The following NTNG1 variants were observed in gnomAD, a reference collection of about 807,000 sequenced individuals.
NTNG1 encodes the protein netrin-G1.
Under a neutral mutation model 54.0 loss-of-function variants are expected in NTNG1, and 16 were observed. That is an observed-to-expected ratio of 0.30 (90% CI 0.20 to 0.45). The LOEUF (loss-of-function observed/expected upper bound fraction) is 0.45, where lower values mean the gene tolerates loss of function less well. Ranked by LOEUF, NTNG1 falls within the 20% of genes least tolerant of loss-of-function variation. The pLI, the probability that NTNG1 is intolerant of heterozygous loss-of-function variation, is 1.00. For synonymous variants in NTNG1, 255 were observed against 263.1 expected (o/e 0.97, Z 0.30); for missense variants, 530 against 678.7 (o/e 0.78, Z 2.43).
intron 7 of NTNG1, among the ~76,000 whole-genome samples, chr1:107,444,085 C>A (rs1188613191): frequency 7.0e-6 from 1 of 143,570 alleles, no homozygotes. Context: ...CAAAAAGGAT[C>A]GTTTTGTCTG....
At chr1:107,379,446 A>G (rs1206683921) in intron 3 of NTNG1, among the ~76,000 whole-genome samples, 2 of 152,194 alleles carry the variant, frequency 1.3e-5, no homozygotes, top group Non-Finnish European at 2.9e-5. Context: ...AATTGTGTCC[A>G]AACTACACAA....
chr1:107,249,385 G>A (rs540468038), intron 2 of NTNG1, among the ~76,000 whole-genome samples: 2 of 151,700 alleles, frequency 1.3e-5, no homozygotes, highest in South Asian at 2.1e-4. Context: ...TGGAGGCTGA[G>A]GCAGGAGAAT....
intron 2 of NTNG1, among the ~76,000 whole-genome samples, chr1:107,299,857 T>TACAC (rs149336257): frequency 1.3e-5 from 2 of 150,904 alleles, no homozygotes; most frequent in Admixed American, 1.3e-4. Flanking sequence ...TATACACACA[T>TACAC]ACACACACAC....
chr1:107,315,654 G>GGT (rs1667293165), intron 2 of NTNG1, among the ~76,000 whole-genome samples: 1 of 152,036 alleles, frequency 6.6e-6, no homozygotes, highest in African/African-American at 2.4e-5. Flanking sequence ...TGAGTCCCAA[G>GGT]GTGTAGTCTT....
At chr1:107,448,584 A>G (rs1558007628) in intron 7 of NTNG1, among the ~76,000 whole-genome samples, 1 of 152,130 alleles carries the variant, frequency 6.6e-6, no homozygotes, top group South Asian at 2.1e-4. Flanking sequence ...TTTGAGAAGC[A>G]GAGGACTGGA....
chr1:107,337,445 C>T (rs1445845404), intron 3 of NTNG1, among the ~76,000 whole-genome samples: 1 of 151,852 alleles, frequency 6.6e-6, no homozygotes, highest in Non-Finnish European at 1.5e-5. Flanking sequence ...ATGGTGACTG[C>T]CAGGGGCTGG....
chr1:107,344,337 C>CT (rs1479263934), intron 3 of NTNG1, among the ~76,000 whole-genome samples: 1 of 152,068 alleles, frequency 6.6e-6, no homozygotes, highest in Admixed American at 6.6e-5. Context: ...TATGATCTGA[C>CT]TTTTTTTGTT....
intron 5 of NTNG1, among the ~76,000 whole-genome samples, chr1:107,424,803 T>A (rs1442078278): frequency 6.6e-6 from 1 of 151,706 alleles, no homozygotes; most frequent in Non-Finnish European, 1.5e-5. Flanking sequence ...CTGAAGGGAG[T>A]CTCACTAATT....
At chr1:107,261,562 G>C (rs1471043379) in intron 2 of NTNG1, among the ~76,000 whole-genome samples, 1 of 152,242 alleles carries the variant, frequency 6.6e-6, no homozygotes, top group East Asian at 1.9e-4. Context: ...AGATAACTAG[G>C]GCCAGGAGCG....
chr1:107,433,213 T>TGAAC (rs1675382020), intron 6 of NTNG1, among the ~76,000 whole-genome samples: 1 of 152,206 alleles, frequency 6.6e-6, no homozygotes, highest in South Asian at 2.1e-4. Context: ...AAGTACTTGG[T>TGAAC]GAACACAAAG....
Position 107,148,536 on chromosome 1 carries a change from C to A in NTNG1, c.-58C>A. 2 of 1,536,346 alleles carry A rather than the reference C, an allele frequency of 1.3e-6. No individual in the cohort carries two copies. Among genetic ancestry groups the A allele is most frequent in the Non-Finnish European group, 1.8e-6 (2 of 1,114,366 alleles). ...ATATATATGTAAACTAGACAAAGAT[C>A]GCAGATCATAAAGCAAGCTCTGCTT... On this transcript the variant is annotated 5_prime_UTR_variant, in exon 2 of 8. Transcript: ENST00000370068.
intron 7 of NTNG1, among the ~76,000 whole-genome samples, chr1:107,461,547 T>A (rs1473995579): frequency 1.4e-5 from 2 of 141,732 alleles, no homozygotes; most frequent in East Asian, 3.9e-4. Flanking sequence ...TTTTTCTTTT[T>A]TTTTTCTTTT....
chr1:107,358,470 T>C (rs1465583243), intron 3 of NTNG1, among the ~76,000 whole-genome samples: 1 of 152,090 alleles, frequency 6.6e-6, no homozygotes, highest in Non-Finnish European at 1.5e-5. Context: ...GTCTGTCTAA[T>C]GTAAACTTTT....
chr1:107,441,410 A>T (rs973842095), intron 7 of NTNG1, among the ~76,000 whole-genome samples: 2 of 152,190 alleles, frequency 1.3e-5, no homozygotes, highest in Admixed American at 6.5e-5. Context: ...AAGAATTCAT[A>T]GTCTGCTTAT....
intron 2 of NTNG1, among the ~76,000 whole-genome samples, chr1:107,189,186 A>C (rs1336291511): frequency 6.6e-6 from 1 of 151,862 alleles, no homozygotes; most frequent in Non-Finnish European, 1.5e-5. Flanking sequence ...CTCCTTCTCT[A>C]CCAAAAATAC....
intron 2 of NTNG1, among the ~76,000 whole-genome samples, chr1:107,173,999 A>C (rs1323896484): frequency 6.6e-6 from 1 of 152,102 alleles, no homozygotes. Context: ...AGTAATGTGT[A>C]CTAGATCACA....
intron 7 of NTNG1, among the ~76,000 whole-genome samples, chr1:107,475,126 A>G (rs1166220694): frequency 1.3e-5 from 2 of 152,222 alleles, no homozygotes; most frequent in Non-Finnish European, 1.5e-5. Context: ...TCAAAGTGTG[A>G]TATGAAAGCA....
At chr1:107,324,245 G>C (rs769798130) in intron 2 of NTNG1, 37 bp from the exon 3 acceptor site, 2 of 1,592,146 alleles carry the variant, frequency 1.3e-6, no homozygotes, top group Non-Finnish European at 1.7e-6. Flanking sequence ...TGGCAAACCA[G>C]TGTTTTGATG....
intron 2 of NTNG1, among the ~76,000 whole-genome samples, chr1:107,301,330 T>C (rs1405299195): frequency 7.5e-6 from 1 of 133,496 alleles, no homozygotes; most frequent in Non-Finnish European, 1.7e-5. Flanking sequence ...GCTAAAATTA[T>C]TCCTGGACAA....
Sources: gnomAD v4.1 joint callset for allele counts (sites outside exome capture counted in the v4.1 genomes callset) on GRCh38, gnomAD v4.1.1 for gene constraint, MANE v1.5 for transcripts, NCBI Gene and HGNC (gene_info 2026-07-23, HGNC 2026-07-21) for gene names.